The following RSRC1 variants were observed in gnomAD, a reference collection of about 807,000 sequenced individuals.
RSRC1 encodes the protein arginine and serine rich coiled-coil 1.
RSRC1 carries 39 observed loss-of-function variants against 49.1 expected under a neutral mutation model. The observed-to-expected ratio is 0.79, with a 90% CI of 0.61 to 1.04. The LOEUF is 1.04. Ranked by LOEUF, RSRC1 falls within the 50% of genes least tolerant of loss-of-function variation. RSRC1 has a pLI of 0.00. For synonymous variants in RSRC1, 143 were observed against 130.8 expected (o/e 1.09, Z -0.63); for missense variants, 388 against 402.4 (o/e 0.96, Z 0.31).
intron 5 of RSRC1, among the ~76,000 whole-genome samples, chr3:158,326,136 C>T (rs1280655868): frequency 7.9e-5 from 12 of 152,092 alleles, no homozygotes; most frequent in Non-Finnish European, 1.5e-4. Flanking sequence ...TGGGCTGAGA[C>T]GATGGGGTTT....
At chr3:158,378,296 T>C (rs1474147342) in intron 6 of RSRC1, among the ~76,000 whole-genome samples, 1 of 152,232 alleles carries the variant, frequency 6.6e-6, no homozygotes, top group Non-Finnish European at 1.5e-5. Flanking sequence ...AAAATAGCCA[T>C]TTACAAATCT....
chr3:158,388,938 C>T (rs989500845), intron 6 of RSRC1, among the ~76,000 whole-genome samples: 3 of 152,112 alleles, frequency 2.0e-5, no homozygotes, highest in Non-Finnish European at 4.4e-5. Flanking sequence ...ACCCTTACCC[C>T]TTGAAATATA....
intron 5 of RSRC1, among the ~76,000 whole-genome samples, chr3:158,322,179 G>T (rs542505343): frequency 6.6e-6 from 1 of 152,120 alleles, no homozygotes; most frequent in Admixed American, 6.5e-5. Flanking sequence ...TTGTTTCTAT[G>T]TGAATGTTTT....
intron 6 of RSRC1, among the ~76,000 whole-genome samples, chr3:158,427,338 C>G (rs907998921): frequency 3.3e-5 from 5 of 151,754 alleles, no homozygotes; most frequent in African/African-American, 1.2e-4. Context: ...GTGAAGATTT[C>G]TATTTTCTCC....
At chr3:158,251,013 A>T (rs1095637) in intron 4 of RSRC1, among the ~76,000 whole-genome samples, 1 of 151,884 alleles carries the variant, frequency 6.6e-6, no homozygotes, top group Non-Finnish European at 1.5e-5. Context: ...TGGTTTTTGT[A>T]TATGGTGAGA....
intron 7 of RSRC1, among the ~76,000 whole-genome samples, chr3:158,517,688 A>G (rs927174682): frequency 6.8e-6 from 1 of 146,180 alleles, no homozygotes; most frequent in Admixed American, 7.0e-5. Context: ...GAACTGCTGG[A>G]CACAAGTGAT....
chr3:158,374,542 T>G (rs1383403953), intron 6 of RSRC1, among the ~76,000 whole-genome samples: 1 of 152,136 alleles, frequency 6.6e-6, no homozygotes, highest in East Asian at 1.9e-4. Flanking sequence ...ATAGAAAAGA[T>G]TTATCAGACT....
intron 6 of RSRC1, among the ~76,000 whole-genome samples, chr3:158,379,002 T>A (rs1165230168): frequency 2.0e-5 from 3 of 152,118 alleles, no homozygotes; most frequent in Non-Finnish European, 4.4e-5. Context: ...GTCTGTGCCA[T>A]TAAAACATAT....
intron 7 of RSRC1, among the ~76,000 whole-genome samples, chr3:158,507,498 A>G (rs1739912937): frequency 6.6e-6 from 1 of 152,144 alleles, no homozygotes; most frequent in South Asian, 2.1e-4. Flanking sequence ...ACCCCAAAAT[A>G]TGTACAACTA....
intron 9 of RSRC1, 66 bp from the exon 10 acceptor site, chr3:158,544,117 C>A: frequency 1.8e-6 from 2 of 1,096,834 alleles, no homozygotes; most frequent in South Asian, 1.3e-5. Flanking sequence ...TGAGTTCTGT[C>A]ATTTTAGGTC....
intron 4 of RSRC1, among the ~76,000 whole-genome samples, chr3:158,230,608 T>A (rs996523215): frequency 2.6e-5 from 4 of 152,184 alleles, no homozygotes; most frequent in Non-Finnish European, 4.4e-5. Context: ...ATTCATAGTC[T>A]GTATACATAC....
chr3:158,293,271 A>G (rs1727042492), intron 4 of RSRC1, among the ~76,000 whole-genome samples: 3 of 152,068 alleles, frequency 2.0e-5, no homozygotes, highest in South Asian at 4.1e-4. Context: ...CCTTCTTTTC[A>G]TAATATATAC....
At chr3:158,117,783 T>C (rs1485775785) in intron 1 of RSRC1, among the ~76,000 whole-genome samples, 2 of 152,194 alleles carry the variant, frequency 1.3e-5, no homozygotes, top group African/African-American at 4.8e-5. Context: ...TATGCCATTA[T>C]GCTGAGCTTT....
intron 3 of RSRC1, among the ~76,000 whole-genome samples, chr3:158,129,052 A>G (rs1403602572): frequency 2.6e-5 from 4 of 152,084 alleles, no homozygotes; most frequent in Admixed American, 6.6e-5. Flanking sequence ...TGAAGTTACT[A>G]TCTTTCCTTT....
chr3:158,451,844 A>C (rs1483835740), intron 6 of RSRC1, among the ~76,000 whole-genome samples: 1 of 152,048 alleles, frequency 6.6e-6, no homozygotes, highest in Non-Finnish European at 1.5e-5. Flanking sequence ...GAAAATGAGG[A>C]AGAAACTTTA....
chr3:158,306,011 A>T (rs1375997250), intron 5 of RSRC1, among the ~76,000 whole-genome samples: 1 of 152,056 alleles, frequency 6.6e-6, no homozygotes, highest in Non-Finnish European at 1.5e-5. Context: ...AGATAAAAAC[A>T]ATATCTTAAT....
At chr3:158,241,232 G>C (rs926256410) in intron 4 of RSRC1, among the ~76,000 whole-genome samples, 3 of 152,100 alleles carry the variant, frequency 2.0e-5, no homozygotes, top group African/African-American at 7.2e-5. Context: ...TGGATCACTT[G>C]AGACCAGGAG....
At chr3:158,436,426 C>T (rs1375591851) in intron 6 of RSRC1, among the ~76,000 whole-genome samples, 8 of 151,772 alleles carry the variant, frequency 5.3e-5, no homozygotes. Context: ...ATATATATAT[C>T]TTCTCAAATT....
At chr3:158,512,063 G>A (rs1392928223) in intron 7 of RSRC1, among the ~76,000 whole-genome samples, 29 of 143,988 alleles carry the variant, frequency 2.0e-4, no homozygotes, top group African/African-American at 6.6e-4. Context: ...CTCCCATTTT[G>A]TAGGTTGCCT....
Sources: gnomAD v4.1 joint callset for allele counts (sites outside exome capture counted in the v4.1 genomes callset) on GRCh38, gnomAD v4.1.1 for gene constraint, MANE v1.5 for transcripts, NCBI Gene and HGNC (gene_info 2026-07-23, HGNC 2026-07-21) for gene names.